The following OPCML variants were observed in gnomAD, a reference collection of about 807,000 sequenced individuals.
OPCML encodes the protein opioid binding protein/cell adhesion molecule like, also known as opioid-binding protein/cell adhesion molecule.
A neutral mutation model predicts 37.8 loss-of-function variants in OPCML; 13 were observed. That is an observed-to-expected ratio of 0.34 (90% confidence interval 0.22 to 0.55). OPCML has a LOEUF of 0.55. OPCML is among the 20% of genes least tolerant of loss of function. The probability of loss-of-function intolerance (pLI) is 0.91; values close to 1 mark genes in which losing one functional copy is unlikely to be tolerated. For missense variants in OPCML, 341 were observed against 435.6 expected (o/e 0.78, Z 1.93); for synonymous variants, 176 against 168.8 (o/e 1.04, Z -0.33).
chr11:133,253,851 T>TTCCCTTCCCC (rs1941230044), intron 1 of OPCML, among the ~76,000 whole-genome samples: 1 of 72,234 alleles, frequency 1.4e-5, no homozygotes, highest in Non-Finnish European at 2.8e-5. Context: ...TTCCCTTCCC[T>TTCCCTTCCCC]TCCCTTCCCT....
chr11:132,593,536 A>C (rs1462062537), intron 3 of OPCML, among the ~76,000 whole-genome samples: 2 of 152,208 alleles, frequency 1.3e-5, no homozygotes, highest in Non-Finnish European at 2.9e-5. Flanking sequence ...TCAATGTTGA[A>C]AATGGATGGA....
At chr11:132,888,658 C>G (rs998691268) in intron 2 of OPCML, among the ~76,000 whole-genome samples, 2 of 151,892 alleles carry the variant, frequency 1.3e-5, no homozygotes, top group African/African-American at 4.8e-5. Flanking sequence ...TTTTTTGGCT[C>G]TTTCTCAGTC....
intron 2 of OPCML, among the ~76,000 whole-genome samples, chr11:132,901,252 G>A (rs561026409): frequency 3.9e-5 from 6 of 152,112 alleles, no homozygotes; most frequent in African/African-American, 1.4e-4. Context: ...CCTTATCATA[G>A]GCTCAGTGTG....
At chr11:132,514,306 A>C (rs970529171) in intron 4 of OPCML, among the ~76,000 whole-genome samples, 2 of 152,210 alleles carry the variant, frequency 1.3e-5, no homozygotes, top group African/African-American at 4.8e-5. Context: ...ACAGTCCAGC[A>C]AGCATGGGAG....
chr11:133,504,217 A>G (rs1302919029), intron 1 of OPCML, among the ~76,000 whole-genome samples: 1 of 152,196 alleles, frequency 6.6e-6, no homozygotes, highest in Non-Finnish European at 1.5e-5. Context: ...CAAATCCCCT[A>G]AAACACTTTC....
chr11:132,813,142 A>T (rs1939442397), intron 2 of OPCML, among the ~76,000 whole-genome samples: 1 of 152,198 alleles, frequency 6.6e-6, no homozygotes, highest in South Asian at 2.1e-4. Context: ...TGAACTCAGT[A>T]CACATTTTTT....
intron 1 of OPCML, among the ~76,000 whole-genome samples, chr11:133,186,086 C>T (rs527583420): frequency 9.2e-5 from 14 of 152,048 alleles, no homozygotes; most frequent in East Asian, 5.8e-4. Context: ...CAGATCCAAA[C>T]GATATTATCC....
intron 1 of OPCML, among the ~76,000 whole-genome samples, chr11:132,969,420 T>A (rs142713031): frequency 2.6e-5 from 4 of 152,306 alleles, no homozygotes; most frequent in African/African-American, 9.6e-5. Flanking sequence ...TTCACATTTA[T>A]CCTGCTTGGA....
chr11:132,972,322 C>A (rs967982586), intron 1 of OPCML, among the ~76,000 whole-genome samples: 1 of 152,206 alleles, frequency 6.6e-6, no homozygotes, highest in Non-Finnish European at 1.5e-5. Context: ...CCACACTAAA[C>A]ACCTCTCTGC....
intron 1 of OPCML, among the ~76,000 whole-genome samples, chr11:132,967,878 AT>A (rs1218872193): frequency 2.0e-5 from 3 of 151,772 alleles, no homozygotes; most frequent in Admixed American, 6.6e-5. Flanking sequence ...TTTCACCTTC[AT>A]TTTTTTTAAA....
chr11:132,765,538 G>C (rs1392631818), intron 2 of OPCML, among the ~76,000 whole-genome samples: 3 of 152,114 alleles, frequency 2.0e-5, no homozygotes, highest in Admixed American at 2.0e-4. Flanking sequence ...TTACCTGTTT[G>C]CTCCTGAATT....
At chr11:133,196,037 A>G (rs1240305664) in intron 1 of OPCML, among the ~76,000 whole-genome samples, 1 of 152,240 alleles carries the variant, frequency 6.6e-6, no homozygotes, top group Non-Finnish European at 1.5e-5. Flanking sequence ...ATTCCTTTGC[A>G]AGAAACTTTA....
At chr11:133,103,860 T>G (rs1949120756) in intron 1 of OPCML, among the ~76,000 whole-genome samples, 1 of 152,248 alleles carries the variant, frequency 6.6e-6, no homozygotes, top group Admixed American at 6.5e-5. Flanking sequence ...TTTAAATTCC[T>G]TTCTCTCTTT....
intron 1 of OPCML, among the ~76,000 whole-genome samples, chr11:133,317,817 C>A (rs1257063254): frequency 6.6e-6 from 1 of 152,184 alleles, no homozygotes; most frequent in Non-Finnish European, 1.5e-5. Context: ...GTGGCCTATA[C>A]CTAAGTGTAC....
At chr11:133,248,868 T>G (rs1941037415) in intron 1 of OPCML, among the ~76,000 whole-genome samples, 1 of 151,956 alleles carries the variant, frequency 6.6e-6, no homozygotes, top group African/African-American at 2.4e-5. Flanking sequence ...ATCAAGAGAG[T>G]GGACTACTGA....
At chr11:133,378,676 T>A (rs1217904962) in intron 1 of OPCML, among the ~76,000 whole-genome samples, 2 of 151,872 alleles carry the variant, frequency 1.3e-5, no homozygotes, top group Admixed American at 6.5e-5. Context: ...CTTTCTTTTC[T>A]TTTCTTTCTT....
At chr11:133,310,689 G>A (rs562990545) in intron 1 of OPCML, among the ~76,000 whole-genome samples, 10 of 152,164 alleles carry the variant, frequency 6.6e-5, no homozygotes, top group African/African-American at 2.4e-4. Context: ...TCCCTGGAAG[G>A]ACTGTTCCCA....
At chr11:132,826,774 A>G (rs1940372791) in intron 2 of OPCML, among the ~76,000 whole-genome samples, 1 of 152,240 alleles carries the variant, frequency 6.6e-6, no homozygotes, top group Non-Finnish European at 1.5e-5. Flanking sequence ...GTAATCATAC[A>G]GAAGGTGGTA....
At chr11:133,422,128 C>A (rs1228555207) in intron 1 of OPCML, 1 of 984,404 alleles carries the variant, frequency 1.0e-6, no homozygotes, top group East Asian at 1.1e-4. Context: ...GCCCCCCACC[C>A]CCTGGCAGGC....
Sources: allele counts gnomAD v4.1 joint callset (sites outside exome capture counted in the v4.1 genomes callset), GRCh38; gene constraint gnomAD v4.1.1; transcripts MANE v1.5; gene names NCBI Gene and HGNC (gene_info 2026-07-23, HGNC 2026-07-21).